REDIC1: variants seen among roughly 807,000 people sequenced by gnomAD.
The protein encoded by REDIC1 is HEI10 Interacting Protein 1.
the REDIC1 span, among the ~76,000 whole-genome samples, chr12:39,706,593 T>C: frequency 6.6e-6 from 1 of 151,638 alleles, no homozygotes; most frequent in African/African-American, 2.4e-5. Context: ...GCATGAGAAG[T>C]ATAGTAACCA....
At chr12:39,849,119 T>A in the REDIC1 span, among the ~76,000 whole-genome samples, 3 of 152,082 alleles carry the variant, frequency 2.0e-5, no homozygotes, top group South Asian at 6.2e-4. Flanking sequence ...AACAAGCCCC[T>A]GTGACATGTT....
the REDIC1 span, among the ~76,000 whole-genome samples, chr12:39,722,235 A>G: frequency 2.0e-5 from 3 of 152,150 alleles, no homozygotes. Flanking sequence ...TGGAGACACC[A>G]ACAGCTAAAG....
chr12:39,652,709 A>C, the REDIC1 span, among the ~76,000 whole-genome samples: 1 of 152,122 alleles, frequency 6.6e-6, no homozygotes, highest in East Asian at 1.9e-4. Context: ...TAGATCTTAC[A>C]TGTAGGTCTA....
At chr12:39,763,260 G>A in the REDIC1 span, among the ~76,000 whole-genome samples, 1 of 151,984 alleles carries the variant, frequency 6.6e-6, no homozygotes, top group African/African-American at 2.4e-5. Context: ...TATTTCAAAT[G>A]TCTTAAGTGG....
At chr12:39,812,200 T>A in the REDIC1 span, among the ~76,000 whole-genome samples, 1 of 152,038 alleles carries the variant, frequency 6.6e-6, no homozygotes, top group African/African-American at 2.4e-5. Flanking sequence ...TGCCCTCACA[T>A]GGTAGAATGG....
At chr12:39,687,514 G>T in the REDIC1 span, among the ~76,000 whole-genome samples, 1 of 152,006 alleles carries the variant, frequency 6.6e-6, no homozygotes. Flanking sequence ...TAACCAACCA[G>T]ATCTCATGAC....
chr12:39,782,527 A>G, the REDIC1 span, among the ~76,000 whole-genome samples: 1 of 152,180 alleles, frequency 6.6e-6, no homozygotes, highest in African/African-American at 2.4e-5. Context: ...TGTAAGTCCA[A>G]TTAAACCTCT....
chr12:39,669,302 G>A, the REDIC1 span, among the ~76,000 whole-genome samples: 23 of 152,152 alleles, frequency 1.5e-4, no homozygotes, highest in Non-Finnish European at 2.6e-4. Context: ...GTCTGTTGGA[G>A]TATGCTGGAG....
At chr12:39,812,435 TTTTCTTTCTTCTC>T in the REDIC1 span, among the ~76,000 whole-genome samples, 1 of 150,636 alleles carries the variant, frequency 6.6e-6, no homozygotes, top group Non-Finnish European at 1.5e-5. Flanking sequence ...CCTTCCTTCC[TTTTCTTTCTTCTC>T]TTTCTTTCTT....
the REDIC1 span, among the ~76,000 whole-genome samples, chr12:39,846,595 G>A: frequency 6.6e-6 from 1 of 152,126 alleles, no homozygotes; most frequent in African/African-American, 2.4e-5. Context: ...GAGTCTACAG[G>A]CACATACCAA....
the REDIC1 span, among the ~76,000 whole-genome samples, chr12:39,714,717 C>A: frequency 3.3e-5 from 5 of 151,736 alleles, no homozygotes; most frequent in Non-Finnish European, 7.4e-5. Context: ...CACTCCCATA[C>A]CAACATCTAC....
chr12:39,654,204 A>G, the REDIC1 span, among the ~76,000 whole-genome samples: 1 of 152,152 alleles, frequency 6.6e-6, no homozygotes, highest in African/African-American at 2.4e-5. Flanking sequence ...GTCTCTTGAA[A>G]TTATGATGTT....
the REDIC1 span, among the ~76,000 whole-genome samples, chr12:39,750,114 G>T: frequency 6.6e-6 from 1 of 152,184 alleles, no homozygotes; most frequent in South Asian, 2.1e-4. Context: ...ATTAGGAAAA[G>T]AGGAAGTCAA....
At chr12:39,845,469 T>G in the REDIC1 span, among the ~76,000 whole-genome samples, 1 of 152,160 alleles carries the variant, frequency 6.6e-6, no homozygotes, top group East Asian at 1.9e-4. Flanking sequence ...GAAACACATT[T>G]TAACTTACAG....
chr12:39,896,467 CATAT>C, the REDIC1 span, among the ~76,000 whole-genome samples: 3 of 124,110 alleles, frequency 2.4e-5, no homozygotes, highest in African/African-American at 9.3e-5. Context: ...TATATGTATA[CATAT>C]ATGTATATGT....
At chr12:39,885,204 G>C in the REDIC1 span, among the ~76,000 whole-genome samples, 3 of 152,202 alleles carry the variant, frequency 2.0e-5, no homozygotes, top group Non-Finnish European at 4.4e-5. Context: ...GAGCTAGGAA[G>C]GCCAACAGGA....
the REDIC1 span, among the ~76,000 whole-genome samples, chr12:39,879,009 C>G: frequency 1.3e-5 from 2 of 152,254 alleles, no homozygotes; most frequent in African/African-American, 4.8e-5. Context: ...CCAGCTCCAG[C>G]TGTGACTCAA....
chr12:39,677,372 GA>G, the REDIC1 span, among the ~76,000 whole-genome samples: 2 of 152,040 alleles, frequency 1.3e-5, no homozygotes, highest in Non-Finnish European at 2.9e-5. Context: ...ATGATAAAAG[GA>G]TTAGAACAAC....
chr12:39,869,290 G>A, the REDIC1 span, among the ~76,000 whole-genome samples: 1 of 152,104 alleles, frequency 6.6e-6, no homozygotes, highest in Admixed American at 6.6e-5. Flanking sequence ...AAGGTGTAAA[G>A]GTCCATTGGT....
Sources: gnomAD v4.1 joint callset for allele counts (sites outside exome capture counted in the v4.1 genomes callset) on GRCh38, gnomAD v4.1.1 for gene constraint, MANE v1.5 for transcripts, NCBI Gene and HGNC (gene_info 2026-07-23, HGNC 2026-07-21) for gene names.